The following NFATC3 variants were observed in gnomAD, a reference collection of about 807,000 sequenced individuals.
NFATC3 encodes the protein nuclear factor of activated T-cells, cytoplasmic 3.
A neutral mutation model predicts 98.6 loss-of-function variants in NFATC3; 46 were observed. The ratio of observed to expected loss-of-function variants is 0.47; its 90% confidence interval spans 0.37 to 0.60. The LOEUF (loss-of-function observed/expected upper bound fraction) is 0.60. NFATC3 is among the 20% of genes least tolerant of loss of function. The probability of loss-of-function intolerance (pLI) is 0.00; values close to 1 mark genes in which losing one functional copy is unlikely to be tolerated. For missense variants in NFATC3, 1,256 were observed against 1,295.5 expected, an observed-to-expected ratio of 0.97 and a Z score of 0.47; for synonymous variants, 512 against 472.2, an observed-to-expected ratio of 1.08 and a Z score of -1.09.
chr16:68,095,957 AAAGT>A (rs1383615240), intron 1 of NFATC3, among the ~76,000 whole-genome samples: 3 of 152,178 alleles, frequency 2.0e-5, no homozygotes, highest in African/African-American at 4.8e-5. Context: ...TTGAGATAGT[AAAGT>A]GTTTTTTAAA....
intron 1 of NFATC3, among the ~76,000 whole-genome samples, chr16:68,096,905 G>T (rs1202094169): frequency 1.3e-5 from 2 of 152,192 alleles, no homozygotes; most frequent in Non-Finnish European, 2.9e-5. Context: ...GCCATTGAAG[G>T]ATTTCAAATT....
intron 9 of NFATC3, among the ~76,000 whole-genome samples, chr16:68,210,318 A>G (rs1433669225): frequency 6.6e-6 from 1 of 151,646 alleles, no homozygotes; most frequent in African/African-American, 2.4e-5. Flanking sequence ...AAAGAAAAAA[A>G]AAAAGAATAC....
intron 9 of NFATC3, among the ~76,000 whole-genome samples, chr16:68,208,254 C>T (rs1040121315): frequency 6.6e-6 from 1 of 151,804 alleles, no homozygotes; most frequent in Non-Finnish European, 1.5e-5. Context: ...TCAGGCTGGT[C>T]TCAAACTCCT....
At chr16:68,106,448 C>T (rs1376962708) in intron 1 of NFATC3, among the ~76,000 whole-genome samples, 3 of 151,996 alleles carry the variant, frequency 2.0e-5, no homozygotes, top group South Asian at 2.1e-4. Context: ...TGCACCATCA[C>T]GCCTGGCTAA....
intron 4 of NFATC3, among the ~76,000 whole-genome samples, chr16:68,164,961 G>T: frequency 6.6e-6 from 1 of 152,174 alleles, no homozygotes; most frequent in African/African-American, 2.4e-5. Flanking sequence ...CGCTACATAA[G>T]AGTTTTTTTC....
At chr16:68,156,725 A>G (rs1441381587) in intron 3 of NFATC3, among the ~76,000 whole-genome samples, 1 of 152,126 alleles carries the variant, frequency 6.6e-6, no homozygotes, top group East Asian at 1.9e-4. Flanking sequence ...AGATCACCTG[A>G]GGTCAGGAGT....
intron 9 of NFATC3, among the ~76,000 whole-genome samples, chr16:68,198,921 G>T (rs1337046255): frequency 6.6e-6 from 1 of 152,084 alleles, no homozygotes; most frequent in Non-Finnish European, 1.5e-5. Context: ...GGTGGTGCGT[G>T]CCTGTAGTCC....
intron 3 of NFATC3, among the ~76,000 whole-genome samples, chr16:68,147,549 C>G (rs941539348): frequency 6.6e-6 from 1 of 152,096 alleles, no homozygotes; most frequent in Admixed American, 6.6e-5. Flanking sequence ...GGATACTGTC[C>G]TCTTCACAGT....
At chr16:68,102,464 TTC>T (rs896504859) in intron 1 of NFATC3, among the ~76,000 whole-genome samples, 1 of 152,050 alleles carries the variant, frequency 6.6e-6, no homozygotes, top group Non-Finnish European at 1.5e-5. Context: ...AGATATCATT[TTC>T]TCTCATAAAT....
chr16:68,171,509 T>C (rs988230372), intron 5 of NFATC3, among the ~76,000 whole-genome samples: 15 of 151,836 alleles, frequency 9.9e-5, no homozygotes, highest in Admixed American at 3.3e-4. Flanking sequence ...AGTCTCACTC[T>C]GTTGCCCAGG....
At chr16:68,161,973 T>C (rs2038913844) in intron 4 of NFATC3, among the ~76,000 whole-genome samples, 1 of 152,198 alleles carries the variant, frequency 6.6e-6, no homozygotes, top group Admixed American at 6.5e-5. Context: ...ACAAGGGTAA[T>C]AGTCATAATT....
At chr16:68,147,844 C>G (rs2038114959) in intron 3 of NFATC3, among the ~76,000 whole-genome samples, 1 of 149,516 alleles carries the variant, frequency 6.7e-6, no homozygotes, top group Admixed American at 6.7e-5. Context: ...TTTTTTTTAC[C>G]TCTGGGTATA....
At chr16:68,121,913 T>C in intron 1 of NFATC3, 74 bp from the exon 2 acceptor site, 2 of 1,466,202 alleles carry the variant, frequency 1.4e-6, no homozygotes, top group Non-Finnish European at 9.1e-7. Context: ...CTTTCTCATC[T>C]AGTAATTTAT....
chr16:68,202,068 T>TA (rs1417594582), intron 9 of NFATC3, among the ~76,000 whole-genome samples: 1 of 151,908 alleles, frequency 6.6e-6, no homozygotes, highest in Non-Finnish European at 1.5e-5. Context: ...CGAATCCTGT[T>TA]ACAACTTTCC....
chr16:68,099,966 G>A (rs1432040159), intron 1 of NFATC3, among the ~76,000 whole-genome samples: 1 of 152,044 alleles, frequency 6.6e-6, no homozygotes, highest in Non-Finnish European at 1.5e-5. Context: ...GAGCCACCGT[G>A]CCAGGCCCTA....
intron 9 of NFATC3, among the ~76,000 whole-genome samples, chr16:68,194,238 G>A (rs2040565265): frequency 6.6e-6 from 1 of 152,128 alleles, no homozygotes; most frequent in Non-Finnish European, 1.5e-5. Context: ...GGCCATGGTG[G>A]TTAGAACAGA....
At chr16:68,095,166 T>G (rs1042877948) in intron 1 of NFATC3, among the ~76,000 whole-genome samples, 1 of 151,948 alleles carries the variant, frequency 6.6e-6, no homozygotes, top group Non-Finnish European at 1.5e-5. Context: ...GTGCTTACTA[T>G]CCACAGTATT....
intron 9 of NFATC3, among the ~76,000 whole-genome samples, chr16:68,208,727 C>CA (rs2041251139): frequency 3.4e-5 from 5 of 148,960 alleles, no homozygotes; most frequent in African/African-American, 1.3e-4. Context: ...CAAAAACAAA[C>CA]CAAAAAAAAA....
chr16:68,098,071 G>T (rs1206318104), intron 1 of NFATC3, among the ~76,000 whole-genome samples: 4 of 151,992 alleles, frequency 2.6e-5, no homozygotes, highest in Non-Finnish European at 4.4e-5. Flanking sequence ...TTGCCATTAT[G>T]TATGTATAGT....
Sources: allele counts gnomAD v4.1 joint callset (sites outside exome capture counted in the v4.1 genomes callset), GRCh38; gene constraint gnomAD v4.1.1; transcripts MANE v1.5; gene names NCBI Gene and HGNC (gene_info 2026-07-23, HGNC 2026-07-21).